STK32B: variants seen among roughly 807,000 people sequenced by gnomAD.
The protein encoded by STK32B is serine/threonine-protein kinase 32B.
In STK32B, 43 loss-of-function variants were observed where a neutral mutation model predicts 52.6. That is an observed-to-expected ratio of 0.82 (90% CI 0.64 to 1.05). The LOEUF (loss-of-function observed/expected upper bound fraction) is 1.05, where lower values mean the gene tolerates loss of function less well. Ranked by LOEUF, STK32B falls within the 50% of genes least tolerant of loss-of-function variation. STK32B has a pLI of 0.00. For synonymous variants in STK32B, 238 were observed against 204.3 expected, an observed-to-expected ratio of 1.17 and a Z score of -1.41; for missense variants, 621 against 534.6, an observed-to-expected ratio of 1.16 and a Z score of -1.59.
chr4:5,257,961 AAG>A (rs1726443880), intron 3 of STK32B, among the ~76,000 whole-genome samples: 2 of 152,162 alleles, frequency 1.3e-5, no homozygotes, highest in South Asian at 4.1e-4. Context: ...AAAAGAAAAA[AAG>A]AAAAAAAACA....
chr4:5,084,203 C>T (rs542274366), intron 1 of STK32B, among the ~76,000 whole-genome samples: 1 of 152,300 alleles, frequency 6.6e-6, no homozygotes, highest in East Asian at 1.9e-4. Flanking sequence ...TTCAATATTT[C>T]CACAAACCTC....
chr4:5,143,099 G>GTC (rs759706664), intron 2 of STK32B, among the ~76,000 whole-genome samples: 1 of 112,698 alleles, frequency 8.9e-6, no homozygotes, highest in Non-Finnish European at 2.0e-5. Flanking sequence ...TTCTGTCTCT[G>GTC]TCTCTGTCTG....
intron 9 of STK32B, among the ~76,000 whole-genome samples, chr4:5,464,777 T>G (rs1288639821): frequency 6.6e-6 from 1 of 152,150 alleles, no homozygotes; most frequent in Admixed American, 6.5e-5. Context: ...AGAGTTTGAA[T>G]TCAGATGGTC....
chr4:5,336,414 T>C (rs1262758793), intron 4 of STK32B, among the ~76,000 whole-genome samples: 1 of 152,006 alleles, frequency 6.6e-6, no homozygotes, highest in Non-Finnish European at 1.5e-5. Context: ...ATCTTCTAAC[T>C]TGAACATCAG....
Position 5,147,097 on chromosome 4 carries a change from T to C in STK32B, c.108+7137T>C, listed in dbSNP as rs368257388. On this transcript the variant is annotated intron_variant, in intron 2 of 11. Coordinates refer to ENST00000282908, the MANE Select transcript of STK32B (RefSeq NM_018401.3). ...GGTATTTAAAAGTCTATTTTAGTGATGTTTTGTCATTTTTAGGGTAGAGGC... is the reference window on the plus strand; with the variant it reads ...GGTATTTAAAAGTCTATTTTAGTGACGTTTTGTCATTTTTAGGGTAGAGGC... 2.2e-4 allele frequency among the ~76,000 whole-genome samples: 34 copies of C among 152,306 alleles called. No individual in the cohort carries two copies. In the East Asian group the frequency reaches 6.0e-3, roughly 27 times the overall value.
At chr4:5,494,460 T>C (rs867604487) in intron 11 of STK32B, among the ~76,000 whole-genome samples, 1 of 152,048 alleles carries the variant, frequency 6.6e-6, no homozygotes, top group South Asian at 2.1e-4. Context: ...ATTTTGAGCC[T>C]ATGTGTGTCT....
chr4:5,254,229 G>C (rs748389131), intron 3 of STK32B, among the ~76,000 whole-genome samples: 1 of 151,894 alleles, frequency 6.6e-6, no homozygotes, highest in South Asian at 2.1e-4. Flanking sequence ...ATGTCTGTAG[G>C]CTCTGTAATG....
chr4:5,222,072 A>G (rs1723574032), intron 3 of STK32B, among the ~76,000 whole-genome samples: 1 of 152,178 alleles, frequency 6.6e-6, no homozygotes, highest in Non-Finnish European at 1.5e-5. Context: ...TCAAAGTGCC[A>G]TCTTGGATGA....
At chr4:5,226,755 C>G (rs1019312258) in intron 3 of STK32B, among the ~76,000 whole-genome samples, 1 of 152,258 alleles carries the variant, frequency 6.6e-6, no homozygotes, top group East Asian at 1.9e-4. Context: ...TAATCTCTTA[C>G]TGGTTCTAAT....
chr4:5,211,639 C>T (rs1348047512), intron 3 of STK32B, among the ~76,000 whole-genome samples: 1 of 152,146 alleles, frequency 6.6e-6, no homozygotes, highest in Non-Finnish European at 1.5e-5. Flanking sequence ...TGGCCCATCT[C>T]CTCCCTGCCA....
Position 5,398,711 on chromosome 4 carries a change from C to G in STK32B, c.472+467C>G, listed in dbSNP as rs1319000218. ...GCTTAATACTTGATAATCCACTAAG[C>G]ATTTACTCATCTATCGGCTATGTCA... On this transcript the variant is annotated intron_variant, in intron 5 of 11. Transcript: ENST00000282908. This position sits in a 1 kb window ranked among gnomAD's most constrained non-coding sequence, Gnocchi z 4.9. 3.3e-5 allele frequency among the ~76,000 whole-genome samples: 5 copies of G among 152,192 alleles called. No individual in the cohort carries two copies. The highest frequency in any genetic ancestry group is 9.7e-5 in the African/African-American group (4 of 41,444).
At chr4:5,060,416 G>C (rs1029071818) in intron 1 of STK32B, among the ~76,000 whole-genome samples, 6 of 151,446 alleles carry the variant, frequency 4.0e-5, no homozygotes, top group East Asian at 1.9e-4. Flanking sequence ...CATCTTTTTT[G>C]ATTGGCCTTT....
At chr4:5,103,503 G>A (rs1032699551) in intron 1 of STK32B, among the ~76,000 whole-genome samples, 1 of 152,018 alleles carries the variant, frequency 6.6e-6, no homozygotes, top group Admixed American at 6.6e-5. Context: ...CTGCTCTACA[G>A]TATCACCTGT....
intron 4 of STK32B, among the ~76,000 whole-genome samples, chr4:5,332,200 C>G (rs1732302362): frequency 6.6e-6 from 1 of 152,110 alleles, no homozygotes; most frequent in Admixed American, 6.5e-5. Context: ...CATTAAATGA[C>G]AGTAAGGAAT....
chr4:5,455,354 C>T lies in STK32B; in HGVS notation c.667-1453C>T, dbSNP rs1233202513. Among the ~76,000 whole-genome samples, 5 of 152,318 alleles carry T rather than the reference C, an allele frequency of 3.3e-5. No homozygotes were observed. In the East Asian group the frequency reaches 9.7e-4, roughly 29 times the overall value. On this transcript the variant is annotated intron_variant, in intron 7 of 11. Coordinates refer to ENST00000282908, the MANE Select transcript of STK32B (RefSeq NM_018401.3). ...GCTCGATCACGTGGTGGTGACAGTC[C>T]AATGACCACAACCTGGGAGGGTGGC...
At chr4:5,190,949 C>T (rs958343575) in intron 3 of STK32B, among the ~76,000 whole-genome samples, 1 of 152,156 alleles carries the variant, frequency 6.6e-6, no homozygotes, top group African/African-American at 2.4e-5. Flanking sequence ...GACTCCAGAG[C>T]CTGCACTCTC....
intron 6 of STK32B, among the ~76,000 whole-genome samples, chr4:5,445,722 A>G (rs556540486): frequency 3.1e-4 from 47 of 152,332 alleles, no homozygotes; most frequent in African/African-American, 1.0e-3. Flanking sequence ...CATTCAGTAC[A>G]TTCACAATGT....
intron 11 of STK32B, among the ~76,000 whole-genome samples, chr4:5,482,093 T>A (rs1295842926): frequency 6.6e-6 from 1 of 152,188 alleles, no homozygotes; most frequent in Non-Finnish European, 1.5e-5. Context: ...CATATGAACT[T>A]TAAAGTAGTT....
chr4:5,289,350 T>A (rs1227597921), intron 3 of STK32B, among the ~76,000 whole-genome samples: 3 of 152,080 alleles, frequency 2.0e-5, no homozygotes, highest in Non-Finnish European at 4.4e-5. Context: ...AGTGAGTGAG[T>A]GGTGAGTGAA....
Sources: gnomAD v4.1 joint callset for allele counts (sites outside exome capture counted in the v4.1 genomes callset) on GRCh38, gnomAD v4.1.1 for gene constraint, Gnocchi (gnomAD v3.1) non-coding constraint, MANE v1.5 for transcripts, NCBI Gene and HGNC (gene_info 2026-07-23, HGNC 2026-07-21) for gene names.